The following CNOT4 variants were observed in gnomAD, a reference collection of about 807,000 sequenced individuals.
CNOT4 encodes CCR4-NOT transcription complex subunit 4.
CNOT4 carries 8 observed loss-of-function variants against 73.8 expected under a neutral mutation model. The observed-to-expected ratio is 0.11, with a 90% CI of 0.06 to 0.20. CNOT4 has a LOEUF of 0.20. Among genes scored for constraint, CNOT4 ranks in the 10% least tolerant of loss-of-function variants. The pLI, the probability that CNOT4 is intolerant of heterozygous loss-of-function variation, is 1.00. For synonymous variants in CNOT4, 293 were observed against 321.1 expected (o/e 0.91, Z 0.94); for missense variants, 564 against 883.4 (o/e 0.64, Z 4.58).
intron 7 of CNOT4, among the ~76,000 whole-genome samples, chr7:135,408,730 T>A (rs1010280323): frequency 2.6e-5 from 4 of 152,006 alleles, no homozygotes; most frequent in Admixed American, 2.0e-4. Flanking sequence ...GAAACCAGAG[T>A]GCCCAGAGGA....
At chr7:135,462,422 T>A (rs1205003939) in intron 1 of CNOT4, among the ~76,000 whole-genome samples, 1 of 152,114 alleles carries the variant, frequency 6.6e-6, no homozygotes, top group Non-Finnish European at 1.5e-5. Flanking sequence ...TCATCCCATC[T>A]GCACTCTAAG....
chr7:135,416,838 T>C (rs1365708539), intron 3 of CNOT4, among the ~76,000 whole-genome samples: 2 of 152,146 alleles, frequency 1.3e-5, no homozygotes, highest in East Asian at 3.8e-4. Context: ...GTTCAGTGGA[T>C]GGGGACCAGA....
chr7:135,459,613 A>C (rs1381958262), intron 1 of CNOT4, among the ~76,000 whole-genome samples: 1 of 152,196 alleles, frequency 6.6e-6, no homozygotes, highest in Admixed American at 6.5e-5. Flanking sequence ...AAAAATCAGA[A>C]GATCATAAAG....
intron 3 of CNOT4, among the ~76,000 whole-genome samples, chr7:135,417,567 C>G (rs1028828241): frequency 6.6e-6 from 1 of 152,152 alleles, no homozygotes; most frequent in African/African-American, 2.4e-5. Context: ...TTGGGTGTAA[C>G]ACCTTTATAA....
intron 7 of CNOT4, among the ~76,000 whole-genome samples, chr7:135,405,230 T>A (rs999184558): frequency 2.6e-5 from 4 of 152,174 alleles, no homozygotes; most frequent in African/African-American, 9.7e-5. Context: ...GGATATTAAA[T>A]GAACACAGAA....
intron 1 of CNOT4, among the ~76,000 whole-genome samples, chr7:135,468,580 CTGAGACA>C (rs1430155032): frequency 6.6e-6 from 1 of 151,382 alleles, no homozygotes; most frequent in Non-Finnish European, 1.5e-5. Flanking sequence ...ACTCAGGAGC[CTGAGACA>C]TGAGAATCGC....
At chr7:135,397,437 T>C (rs772923491) in intron 8 of CNOT4, among the ~76,000 whole-genome samples, 37 of 152,176 alleles carry the variant, frequency 2.4e-4, no homozygotes, top group Non-Finnish European at 3.4e-4. Flanking sequence ...GATTTCCACA[T>C]TCTTTTACAA....
intron 6 of CNOT4, among the ~76,000 whole-genome samples, chr7:135,412,452 CAAG>C (rs1370911429): frequency 6.6e-6 from 1 of 151,768 alleles, no homozygotes; most frequent in Non-Finnish European, 1.5e-5. Context: ...AGATTTCATT[CAAG>C]AAGGTTTCAT....
intron 10 of CNOT4, among the ~76,000 whole-genome samples, chr7:135,372,109 C>G (rs1365891175): frequency 6.6e-6 from 1 of 152,208 alleles, no homozygotes; most frequent in Non-Finnish European, 1.5e-5. Flanking sequence ...AGGTGTCAAC[C>G]ACCCTAACAT....
At chr7:135,500,675 T>C (rs1270209133) in intron 1 of CNOT4, among the ~76,000 whole-genome samples, 2 of 152,130 alleles carry the variant, frequency 1.3e-5, no homozygotes, top group South Asian at 2.1e-4. Flanking sequence ...TTAAAGGGAG[T>C]TGGTAGCTAG....
chr7:135,471,063 T>A (rs998981432), intron 1 of CNOT4, among the ~76,000 whole-genome samples: 1 of 152,240 alleles, frequency 6.6e-6, no homozygotes, highest in Non-Finnish European at 1.5e-5. Context: ...AAGCCTACTA[T>A]ATGTAATTTC....
intron 1 of CNOT4, among the ~76,000 whole-genome samples, chr7:135,487,816 G>A (rs1463500995): frequency 6.6e-6 from 1 of 152,186 alleles, no homozygotes; most frequent in Non-Finnish European, 1.5e-5. Context: ...CACTTTGGGA[G>A]GCCAAGGCAG....
chr7:135,415,516 G>A (rs1230462730), intron 3 of CNOT4, among the ~76,000 whole-genome samples: 6 of 152,012 alleles, frequency 3.9e-5, no homozygotes, highest in Admixed American at 6.6e-5. Flanking sequence ...TATCTACTAT[G>A]TTCTAATAAC....
At chr7:135,440,545 C>A (rs1799416316) in intron 1 of CNOT4, among the ~76,000 whole-genome samples, 1 of 152,134 alleles carries the variant, frequency 6.6e-6, no homozygotes, top group Non-Finnish European at 1.5e-5. Context: ...CCTTATACCA[C>A]CTCCTAACTA....
chr7:135,369,623 G>A (rs1232931642), intron 10 of CNOT4, among the ~76,000 whole-genome samples: 1 of 152,218 alleles, frequency 6.6e-6, no homozygotes, highest in Non-Finnish European at 1.5e-5. Context: ...CTTGGTGCAA[G>A]TGGCTACACA....
chr7:135,387,040 A>T (rs1457250038), intron 10 of CNOT4: 1 of 976,558 alleles, frequency 1.0e-6, no homozygotes, highest in East Asian at 1.1e-4. Context: ...TATAATAACA[A>T]GGCCCAGGAG....
chr7:135,437,338 C>A (rs555168225), intron 2 of CNOT4, among the ~76,000 whole-genome samples: 2 of 152,002 alleles, frequency 1.3e-5, no homozygotes, highest in African/African-American at 4.8e-5. Context: ...TATAGGTGCT[C>A]GCCACCACGC....
chr7:135,487,817 G>A (rs1274744131), intron 1 of CNOT4, among the ~76,000 whole-genome samples: 1 of 152,190 alleles, frequency 6.6e-6, no homozygotes, highest in Non-Finnish European at 1.5e-5. Flanking sequence ...ACTTTGGGAG[G>A]CCAAGGCAGG....
intron 10 of CNOT4, chr7:135,388,027 T>C (rs1796208430): frequency 3.0e-6 from 3 of 985,296 alleles, no homozygotes; most frequent in South Asian, 4.7e-5. Context: ...TCACATACAA[T>C]GTTTACTCCG....
Sources: gnomAD v4.1 joint callset for allele counts (sites outside exome capture counted in the v4.1 genomes callset) on GRCh38, gnomAD v4.1.1 for gene constraint, MANE v1.5 for transcripts, NCBI Gene and HGNC (gene_info 2026-07-23, HGNC 2026-07-21) for gene names.